The following ADGRB3 variants were observed in gnomAD, a reference collection of about 807,000 sequenced individuals.
ADGRB3 encodes the protein adhesion G protein-coupled receptor B3, also known as brain-specific angiogenesis inhibitor 3.
ADGRB3 carries 37 observed loss-of-function variants against 193.4 expected under a neutral mutation model. The observed-to-expected ratio is 0.19, with a 90% CI of 0.15 to 0.25. The LOEUF is 0.25. Among genes scored for constraint, ADGRB3 ranks in the 10% least tolerant of loss-of-function variants. The probability of loss-of-function intolerance (pLI) is 1.00; values close to 1 mark genes in which losing one functional copy is unlikely to be tolerated. For missense variants in ADGRB3, 1,637 were observed against 1,852.9 expected (o/e 0.88, Z 2.14); for synonymous variants, 690 against 644.2 (o/e 1.07, Z -1.08).
chr6:69,378,343 C>A (rs1769873840), intron 30 of ADGRB3, among the ~76,000 whole-genome samples: 2 of 151,876 alleles, frequency 1.3e-5, no homozygotes. Flanking sequence ...AAGAGTGCTC[C>A]CTGAATCTAT....
intron 17 of ADGRB3, among the ~76,000 whole-genome samples, chr6:69,088,233 C>T (rs1772603357): frequency 1.3e-5 from 2 of 151,822 alleles, no homozygotes; most frequent in African/African-American, 4.8e-5. Flanking sequence ...TTCTCCTTGT[C>T]TTTATTGACA....
At chr6:68,783,359 C>T (rs890954042) in intron 3 of ADGRB3, among the ~76,000 whole-genome samples, 1 of 146,958 alleles carries the variant, frequency 6.8e-6, no homozygotes, top group African/African-American at 2.5e-5. Context: ...AATTCTAAAA[C>T]TTACATGTAT....
At chr6:69,089,718 G>T (rs557298610) in intron 17 of ADGRB3, among the ~76,000 whole-genome samples, 3 of 152,192 alleles carry the variant, frequency 2.0e-5, no homozygotes, top group Non-Finnish European at 4.4e-5. Flanking sequence ...CTGAGATAAT[G>T]CTGCTGCCCT....
chr6:68,941,741 A>G (rs1767647779), intron 5 of ADGRB3, among the ~76,000 whole-genome samples: 2 of 152,090 alleles, frequency 1.3e-5, no homozygotes, highest in South Asian at 4.2e-4. Context: ...TGGTAATTTG[A>G]AATAAATGCA....
chr6:69,216,097 T>C (rs889086357), intron 17 of ADGRB3, among the ~76,000 whole-genome samples: 1 of 152,196 alleles, frequency 6.6e-6, no homozygotes, highest in Non-Finnish European at 1.5e-5. Flanking sequence ...AATATTATAA[T>C]GGTTTTGGTG....
intron 17 of ADGRB3, among the ~76,000 whole-genome samples, chr6:69,186,290 T>C (rs938913325): frequency 2.6e-5 from 4 of 152,026 alleles, no homozygotes; most frequent in Non-Finnish European, 5.9e-5. Flanking sequence ...GGCATGGTGC[T>C]CCTTATTTTA....
intron 17 of ADGRB3, among the ~76,000 whole-genome samples, chr6:69,167,790 A>G (rs1775167921): frequency 6.6e-6 from 1 of 152,102 alleles, no homozygotes; most frequent in Non-Finnish European, 1.5e-5. Context: ...GTTAGCCTGT[A>G]TTAGAGATGG....
intron 17 of ADGRB3, among the ~76,000 whole-genome samples, chr6:69,123,605 G>A (rs1220399895): frequency 7.2e-5 from 11 of 152,094 alleles, no homozygotes; most frequent in East Asian, 3.9e-4. Context: ...GGAGAGAAAC[G>A]TATCAATAAT....
At position 68,641,244 on chromosome 6, in the gene ADGRB3, T is replaced by C. The variant is rs190386939; in HGVS notation, c.757+1812T>C. On this transcript the variant is annotated intron_variant, in intron 3 of 31. Transcript: ENST00000370598. ...TGTCACAACTCTTTTATATGAAAGG[T>C]GGTAAGTGACAAAAACAAAGTTGTT... Among the ~76,000 whole-genome samples the C allele has an allele frequency of 1.5e-3, 232 of 152,174 alleles. 4 individuals are homozygous for C. Among genetic ancestry groups the C allele is most frequent in the African/African-American group, 5.3e-3 (222 of 41,534 alleles).
At chr6:69,043,451 A>G (rs544142495) in intron 13 of ADGRB3, among the ~76,000 whole-genome samples, 63 of 152,338 alleles carry the variant, frequency 4.1e-4, no homozygotes, top group Non-Finnish European at 5.9e-5. Context: ...TGTTATATGA[A>G]TATAATCAAC....
At chr6:68,978,748 A>G (rs965334988) in intron 10 of ADGRB3, among the ~76,000 whole-genome samples, 1 of 151,390 alleles carries the variant, frequency 6.6e-6, no homozygotes, top group Non-Finnish European at 1.5e-5. Context: ...GAGACTGTGC[A>G]TTTTTCTCCT....
chr6:69,175,091 A>G lies in ADGRB3; in HGVS notation c.2481-58199A>G, dbSNP rs555139221. Among the ~76,000 whole-genome samples, 33 of 152,188 alleles carry G rather than the reference A, an allele frequency of 2.2e-4. No individual in the cohort carries two copies. The South Asian group carries it at 6.6e-3, about 31-fold the overall frequency. The stretch of plus-strand genomic sequence containing the variant: ...TACACTGTTGGTAGTTTCTACTGCT[A>G]TGCAGAAGCTCTTTAATTTAATTAG... On this transcript the variant is annotated intron_variant, in intron 17 of 31. Transcript: ENST00000370598.
At chr6:68,956,954 A>C in intron 8 of ADGRB3, 145 bp downstream of exon 8, 1 of 858,848 alleles carries the variant, frequency 1.2e-6, no homozygotes. Context: ...TTTCTGTACT[A>C]TGTGGGGCAT....
chr6:69,100,916 AGGAAGGAAGGAG>A (rs1773029221), intron 17 of ADGRB3, among the ~76,000 whole-genome samples: 1 of 3,270 alleles, frequency 3.1e-4, no homozygotes, highest in African/African-American at 7.0e-4. Context: ...GAGGGAGGGA[AGGAAGGAAGGAG>A]GGAGGGAGGG....
intron 3 of ADGRB3, among the ~76,000 whole-genome samples, chr6:68,863,390 T>C (rs1765207976): frequency 6.6e-6 from 1 of 152,048 alleles, no homozygotes; most frequent in African/African-American, 2.4e-5. Flanking sequence ...TAATTGACAA[T>C]ACTTTAGCAA....
intron 26 of ADGRB3, among the ~76,000 whole-genome samples, chr6:69,350,595 G>A (rs1769201190): frequency 6.6e-6 from 1 of 151,886 alleles, no homozygotes; most frequent in Non-Finnish European, 1.5e-5. Context: ...ACTCAAAGAT[G>A]CAATGATTTT....
intron 3 of ADGRB3, among the ~76,000 whole-genome samples, chr6:68,721,745 G>T (rs1408243486): frequency 1.3e-5 from 2 of 149,578 alleles, no homozygotes; most frequent in Non-Finnish European, 3.0e-5. Flanking sequence ...GCAGAGGAAA[G>T]GAAAGGAAAG....
At chr6:69,200,439 G>A (rs1049670658) in intron 17 of ADGRB3, among the ~76,000 whole-genome samples, 1 of 152,102 alleles carries the variant, frequency 6.6e-6, no homozygotes. Context: ...GATAAAGTTA[G>A]TAAAGGGAGA....
At chr6:68,829,479 A>G (rs890247119) in intron 3 of ADGRB3, among the ~76,000 whole-genome samples, 1 of 152,088 alleles carries the variant, frequency 6.6e-6, no homozygotes, top group African/African-American at 2.4e-5. Context: ...ATTAAGTCCT[A>G]ACAGTTTTTA....
Sources: allele counts gnomAD v4.1 joint callset (sites outside exome capture counted in the v4.1 genomes callset), GRCh38; gene constraint gnomAD v4.1.1; transcripts MANE v1.5; gene names NCBI Gene and HGNC (gene_info 2026-07-23, HGNC 2026-07-21).